Variants in OXSR1 observed in about 807,000 individuals in gnomAD.
The protein encoded by OXSR1 is oxidative stress responsive kinase 1, also known as serine/threonine-protein kinase OSR1.
In OXSR1, 24 loss-of-function variants were observed where a neutral mutation model predicts 79.8. That is an observed-to-expected ratio of 0.30 (90% CI 0.22 to 0.42). The LOEUF (loss-of-function observed/expected upper bound fraction) is 0.42, where lower values mean the gene tolerates loss of function less well. Ranked by LOEUF, OXSR1 falls within the 10% of genes least tolerant of loss-of-function variation. The pLI, the probability that OXSR1 is intolerant of heterozygous loss-of-function variation, is 1.00. For missense variants in OXSR1, 430 were observed against 618.4 expected, an observed-to-expected ratio of 0.70 and a Z score of 3.23; for synonymous variants, 226 against 209.2, an observed-to-expected ratio of 1.08 and a Z score of -0.69.
At chr3:38,173,849 A>G (rs1056626041) in intron 1 of OXSR1, among the ~76,000 whole-genome samples, 3 of 152,236 alleles carry the variant, frequency 2.0e-5, no homozygotes, top group African/African-American at 7.2e-5. Context: ...TATAATCTAG[A>G]AACTCTAAAG....
At chr3:38,235,377 T>C (rs764324177) in intron 10 of OXSR1, among the ~76,000 whole-genome samples, 26 of 151,908 alleles carry the variant, frequency 1.7e-4, no homozygotes, top group Non-Finnish European at 2.8e-4. Flanking sequence ...GGCCCAGATA[T>C]AGATAACAAA....
At chr3:38,167,566 T>TTAC (rs1701491818) in intron 1 of OXSR1, among the ~76,000 whole-genome samples, 1 of 152,040 alleles carries the variant, frequency 6.6e-6, no homozygotes, top group Non-Finnish European at 1.5e-5. Context: ...TAATTTTTGT[T>TTAC]TTTACTTGCC....
At chr3:38,245,045 A>G (rs1449640535) in intron 12 of OXSR1, among the ~76,000 whole-genome samples, 2 of 152,142 alleles carry the variant, frequency 1.3e-5, no homozygotes, top group Non-Finnish European at 2.9e-5. Flanking sequence ...AATAATTAAC[A>G]TTTTCAAAAG....
chr3:38,234,731 C>T (rs1396452415), intron 10 of OXSR1, among the ~76,000 whole-genome samples: 2 of 152,248 alleles, frequency 1.3e-5, no homozygotes, highest in African/African-American at 4.8e-5. Context: ...AGCAGTTCTA[C>T]TCCTAGGCAC....
chr3:38,185,353 G>C (rs770023570), intron 2 of OXSR1, among the ~76,000 whole-genome samples: 17 of 152,174 alleles, frequency 1.1e-4, no homozygotes, highest in African/African-American at 4.1e-4. Context: ...GGGAGGCCAA[G>C]GCGGGTGGAT....
chr3:38,211,876 T>G (rs1442680067), intron 4 of OXSR1, among the ~76,000 whole-genome samples: 1 of 152,210 alleles, frequency 6.6e-6, no homozygotes, highest in Non-Finnish European at 1.5e-5. Flanking sequence ...TCTCTTTGTG[T>G]TTGTAGCAAG....
intron 4 of OXSR1, among the ~76,000 whole-genome samples, chr3:38,208,468 C>G (rs1041390367): frequency 6.6e-6 from 1 of 152,110 alleles, no homozygotes; most frequent in Non-Finnish European, 1.5e-5. Context: ...CATTCATCCT[C>G]ATAAAAAGAA....
chr3:38,247,749 T>C lies in OXSR1; in HGVS notation c.1322+17T>C, dbSNP rs770598379. The C allele has an allele frequency of 3.8e-6, 6 of 1,561,784 alleles. No homozygotes were observed. The highest frequency in any genetic ancestry group is 4.5e-5 in the East Asian group (2 of 44,534). The stretch of plus-strand genomic sequence containing the variant: ...AAGATTAAGGTAAGTAGACATTTTT[T>C]GTTTTGTTTTCTTTTGTTTTCTGAA... On this transcript the variant is annotated intron_variant, in intron 14 of 17. Transcript: ENST00000311806.
At chr3:38,221,740 GA>G (rs34781345) in intron 6 of OXSR1, 53 bp downstream of exon 6, 7 of 1,070,054 alleles carry the variant, frequency 6.5e-6, no homozygotes, top group Non-Finnish European at 9.9e-6. Flanking sequence ...TTTTGAAACT[GA>G]AAAAACTTAA....
intron 1 of OXSR1, among the ~76,000 whole-genome samples, chr3:38,178,620 A>ATATATATATTTTTTTTTTTTTTTTT (rs1265646743): frequency 1.1e-5 from 1 of 95,126 alleles, no homozygotes; most frequent in African/African-American, 4.4e-5. Flanking sequence ...ATATATATAT[A>ATATATATATTTTTTTTTTTTTTTTT]TTTTTTTTTT....
chr3:38,220,656 G>C (rs1034030614), intron 5 of OXSR1, among the ~76,000 whole-genome samples: 3 of 152,220 alleles, frequency 2.0e-5, no homozygotes, highest in African/African-American at 7.2e-5. Flanking sequence ...CAGGAACCCA[G>C]TTGTGCTGGT....
chr3:38,233,251 AT>A (rs906622735), intron 10 of OXSR1, among the ~76,000 whole-genome samples: 4 of 152,258 alleles, frequency 2.6e-5, no homozygotes. Flanking sequence ...ATATCACTTC[AT>A]TCAACTCCTG....
chr3:38,201,707 C>CAA (rs112015179), intron 4 of OXSR1, among the ~76,000 whole-genome samples: 9,717 of 147,050 alleles, frequency 0.066, 504 homozygotes, highest in Middle Eastern at 0.15. Flanking sequence ...GAGAGTGTCT[C>CAA]AAAAAAAAAA....
intron 14 of OXSR1, 135 bp from the exon 15 acceptor site, chr3:38,249,831 A>G: frequency 3.1e-6 from 2 of 645,992 alleles, no homozygotes; most frequent in Non-Finnish European, 2.8e-6. Flanking sequence ...CAGTGTGAAC[A>G]TATCTGAATA....
At chr3:38,247,859 G>T in intron 14 of OXSR1, 127 bp downstream of exon 14, 1 of 592,024 alleles carries the variant, frequency 1.7e-6, no homozygotes. Flanking sequence ...TGTTTGCTTG[G>T]TGGTGTATTA....
chr3:38,168,602 A>G (rs1701513829), intron 1 of OXSR1, among the ~76,000 whole-genome samples: 1 of 152,258 alleles, frequency 6.6e-6, no homozygotes, highest in Non-Finnish European at 1.5e-5. Context: ...TTGTTCAGTC[A>G]TCACCACAAT....
chr3:38,251,253 T>G (rs1375051460), intron 15 of OXSR1, 150 bp from the exon 16 acceptor site: 1 of 679,902 alleles, frequency 1.5e-6, no homozygotes, highest in African/African-American at 1.8e-5. Flanking sequence ...AGTCTTTGTA[T>G]GGAAGGAAGG....
In OXSR1 at chr3:38,247,741, A is replaced by T; in HGVS notation, c.1322+9A>T. On this transcript the variant is annotated intron_variant, in intron 14 of 17. Transcript: ENST00000311806. The stretch of plus-strand genomic sequence containing the variant: ...CTAGTACTAAGATTAAGGTAAGTAG[A>T]CATTTTTTGTTTTGTTTTCTTTTGT... 6.3e-7 allele frequency: 1 copy of T among 1,592,514 alleles called. No homozygotes were observed. Among genetic ancestry groups the T allele is most frequent in the Non-Finnish European group, 8.6e-7 (1 of 1,160,974 alleles).
chr3:38,239,533 C>G (rs1338292323), intron 11 of OXSR1, among the ~76,000 whole-genome samples: 1 of 152,156 alleles, frequency 6.6e-6, no homozygotes, highest in Non-Finnish European at 1.5e-5. Flanking sequence ...TACCCAATCA[C>G]CTGTGAGTTA....
Sources: gnomAD v4.1 joint callset for allele counts (sites outside exome capture counted in the v4.1 genomes callset) on GRCh38, gnomAD v4.1.1 for gene constraint, MANE v1.5 for transcripts, NCBI Gene and HGNC (gene_info 2026-07-23, HGNC 2026-07-21) for gene names.